The following TCF7L2 variants were observed in gnomAD, a reference collection of about 807,000 sequenced individuals.
TCF7L2 encodes transcription factor 7-like 2.
Under a neutral mutation model 77.9 loss-of-function variants are expected in TCF7L2, and 23 were observed. The ratio of observed to expected loss-of-function variants is 0.30; its 90% CI spans 0.21 to 0.42. TCF7L2 has a LOEUF of 0.42. Ranked by LOEUF, TCF7L2 falls within the 10% of genes least tolerant of loss-of-function variation. The probability of loss-of-function intolerance (pLI) is 1.00; values close to 1 mark genes in which losing one functional copy is unlikely to be tolerated. For missense variants in TCF7L2, 654 were observed against 793.1 expected (o/e 0.82, Z 2.11); for synonymous variants, 413 against 340.2 (o/e 1.21, Z -2.36).
At chr10:113,093,897 CT>C in intron 5 of TCF7L2, among the ~76,000 whole-genome samples, 1 of 152,186 alleles carries the variant, frequency 6.6e-6, no homozygotes. Context: ...TGCAAACAAA[CT>C]TTTAAAAAGT....
rs532813347 is a variant in TCF7L2 at position 113,077,928 on chromosome 10, G to T, written c.552+37802G>T. 2.4e-3 allele frequency among the ~76,000 whole-genome samples: 357 copies of T among 149,934 alleles called. 2 individuals are homozygous for T. Among genetic ancestry groups the T allele is most frequent in the African/African-American group, 8.5e-3 (349 of 40,930 alleles). ...TTATTGTATTTTTAGTAGAGATGGGGTTTCACCATGTTGGCTAGGCTGGTG... is the reference window on the plus strand; with the variant it reads ...TTATTGTATTTTTAGTAGAGATGGGTTTTCACCATGTTGGCTAGGCTGGTG... On this transcript the variant is annotated intron_variant, in intron 5 of 13. Coordinates refer to ENST00000627217, the MANE Select transcript of TCF7L2 (RefSeq NM_001146274.2).
intron 5 of TCF7L2, among the ~76,000 whole-genome samples, chr10:113,057,283 C>T (rs1264454824): frequency 6.6e-6 from 1 of 152,212 alleles, no homozygotes; most frequent in African/African-American, 2.4e-5. Flanking sequence ...GATTCTCCTG[C>T]CTCAGTCTCC....
At chr10:113,107,122 A>G (rs2062428216) in intron 5 of TCF7L2, among the ~76,000 whole-genome samples, 2 of 152,216 alleles carry the variant, frequency 1.3e-5, no homozygotes, top group South Asian at 4.1e-4. Context: ...GCAGCCCATC[A>G]TGGGAGTGAA....
In TCF7L2 at chr10:113,159,838, C is replaced by CT. The variant is rs796519669; in HGVS notation, c.1319-781_1319-780insT. ...TATTTGTATCTTTCTCTTCCCCCCCCCCCCCCCTCTTTCTCTCTCTCTCTC... is the reference window on the plus strand; with the variant it reads ...TATTTGTATCTTTCTCTTCCCCCCCCTCCCCCCCTCTTTCTCTCTCTCTCTC... On this transcript the variant is annotated intron_variant, in intron 12 of 13. Transcript: ENST00000627217. 669 of 133,454 alleles carry CT rather than the reference C, an allele frequency of 5.0e-3. 94 individuals are homozygous for CT. The highest frequency in any genetic ancestry group is 0.028 in the African/African-American group (132 of 4,764). The allele number at this position is 133,454 out of a possible 1,614,324, so 8.3% of individuals were successfully genotyped here. A position where few individuals can be genotyped will look rare whatever the true frequency, so the allele number is the denominator to read the frequency against.
chr10:113,029,911 AAATTCACATAT>A (rs1188562433), intron 4 of TCF7L2, among the ~76,000 whole-genome samples: 1 of 152,162 alleles, frequency 6.6e-6, no homozygotes, highest in Non-Finnish European at 1.5e-5. Flanking sequence ...AGTTCATCTT[AAATTCACATAT>A]AATTCACACG....
At chr10:113,080,210 G>C (rs1013300024) in intron 5 of TCF7L2, among the ~76,000 whole-genome samples, 3 of 151,654 alleles carry the variant, frequency 2.0e-5, no homozygotes, top group Non-Finnish European at 4.4e-5. Context: ...CAAAGTTTTG[G>C]GTGGCGCAAG....
chr10:113,003,430 G>A (rs991554544), intron 4 of TCF7L2, among the ~76,000 whole-genome samples: 3 of 152,162 alleles, frequency 2.0e-5, no homozygotes, highest in Admixed American at 2.0e-4. Flanking sequence ...CATGGCTTGG[G>A]GATGGTCTCT....
At chr10:113,053,672 G>C (rs769226768) in intron 5 of TCF7L2, among the ~76,000 whole-genome samples, 1 of 152,142 alleles carries the variant, frequency 6.6e-6, no homozygotes, top group Non-Finnish European at 1.5e-5. Flanking sequence ...CATTTTGATC[G>C]TTACAGAACT....
intron 5 of TCF7L2, among the ~76,000 whole-genome samples, chr10:113,100,050 G>C (rs993476576): frequency 4.6e-5 from 7 of 152,166 alleles, no homozygotes; most frequent in Non-Finnish European, 1.0e-4. Flanking sequence ...CTCAGCAAGC[G>C]TGATAGAGTC....
chr10:113,154,898 C>T (rs2071533188), intron 11 of TCF7L2, among the ~76,000 whole-genome samples: 1 of 152,094 alleles, frequency 6.6e-6, no homozygotes, highest in Non-Finnish European at 1.5e-5. Context: ...TCACGCCTTC[C>T]TTTTATGCGC....
intron 5 of TCF7L2, among the ~76,000 whole-genome samples, chr10:113,068,489 T>C (rs1175775344): frequency 1.3e-5 from 2 of 152,122 alleles, no homozygotes; most frequent in African/African-American, 4.8e-5. Context: ...GTAAGTCATG[T>C]GGAGAGTATG....
intron 4 of TCF7L2, among the ~76,000 whole-genome samples, chr10:113,039,489 T>C (rs1464756089): frequency 6.6e-6 from 1 of 152,218 alleles, no homozygotes; most frequent in Non-Finnish European, 1.5e-5. Context: ...AAGAACTGCA[T>C]GCTCACCGTA....
At chr10:113,069,997 C>G (rs2057745543) in intron 5 of TCF7L2, among the ~76,000 whole-genome samples, 2 of 152,010 alleles carry the variant, frequency 1.3e-5, no homozygotes. Flanking sequence ...GTGGCTCACA[C>G]CTGTAATCTC....
intron 4 of TCF7L2, among the ~76,000 whole-genome samples, chr10:113,016,318 C>T (rs1322642704): frequency 2.0e-5 from 3 of 152,152 alleles, no homozygotes; most frequent in East Asian, 1.9e-4. Flanking sequence ...CAGCCCACCT[C>T]GGCCTCCCGA....
intron 4 of TCF7L2, among the ~76,000 whole-genome samples, chr10:112,976,243 T>A (rs2039404187): frequency 6.6e-6 from 1 of 152,250 alleles, no homozygotes; most frequent in Non-Finnish European, 1.5e-5. Flanking sequence ...TTGAGGATTA[T>A]GAAGTACTTG....
At position 112,950,856 on chromosome 10, in the gene TCF7L2, A is replaced by G. The variant is rs746837026; in HGVS notation, c.100A>G (p.Asn34Asp). The G allele has an allele frequency of 1.2e-5, 19 of 1,610,592 alleles. No individual in the cohort carries two copies. Among genetic ancestry groups the G allele is most frequent in the South Asian group, 7.8e-5 (7 of 90,284 alleles). Residue 34 changes from asparagine to aspartate, a missense_variant, in exon 1 of 14, where the codon AAC becomes GAC. Asn to Asp is a conservative substitution (Grantham distance 23). Around this residue, in one of 6 missense-constraint regions of TCF7L2, gnomAD observed 37 missense variants for 48.1 expected, o/e 0.77. Coordinates refer to ENST00000627217, the MANE Select transcript of TCF7L2 (RefSeq NM_001146274.2). ...CGAACAGGAGGAGAAGAGCTCCGAA[A>G]ACTCCTCGGCAGAGAGGGATTTAGC...
chr10:113,109,782 A>G lies in TCF7L2; in HGVS notation c.553-31402A>G, dbSNP rs866898911. 5.3e-5 allele frequency among the ~76,000 whole-genome samples: 8 copies of G among 152,348 alleles called. No homozygotes were observed. The Middle Eastern group carries it at 0.027, about 518-fold the overall frequency. On this transcript the variant is annotated intron_variant, in intron 5 of 13. Transcript: ENST00000627217. ...TTCAAGAGTTAGAAAGTGAAGCCCC[A>G]TACAGCTTTTATAATCAACAGGCTT...
Position 112,964,778 on chromosome 10 carries a change from A to G in TCF7L2, c.450+154A>G, listed in dbSNP as rs866915832. On this transcript the variant is annotated intron_variant, in intron 4 of 13. Transcript: ENST00000627217. ...GGTGGTGATGGTGGTGGTGGTGGTG[A>G]TGGTGGTGGTGGTGATGGTGGTGGT... Among the ~76,000 whole-genome samples the G allele has an allele frequency of 0.015, 1,232 of 79,992 alleles. 25 individuals carry two copies. The highest frequency in any genetic ancestry group is 0.066 in the African/African-American group (1,165 of 17,578). 52.5% of individuals were successfully genotyped at this position (79,992 alleles called of 152,430 possible). A position where few individuals can be genotyped will look rare whatever the true frequency, so the allele number is the denominator to read the frequency against.
intron 8 of TCF7L2, among the ~76,000 whole-genome samples, chr10:113,147,116 G>C (rs1260889764): frequency 4.6e-5 from 7 of 152,130 alleles, no homozygotes; most frequent in Non-Finnish European, 1.0e-4. Flanking sequence ...TTTATTTTCT[G>C]TTCATCTGAT....
Sources: allele counts gnomAD v4.1 joint callset (sites outside exome capture counted in the v4.1 genomes callset), GRCh38; gene constraint gnomAD v4.1.1; regional missense constraint gnomAD v4.1.1; transcripts MANE v1.5; gene names NCBI Gene and HGNC (gene_info 2026-07-23, HGNC 2026-07-21).